ATG10: variants seen among roughly 807,000 people sequenced by gnomAD.
ATG10 encodes ubiquitin-like-conjugating enzyme ATG10.
ATG10 carries 30 observed loss-of-function variants against 32.1 expected under a neutral mutation model. The observed-to-expected ratio is 0.94, with a 90% CI of 0.70 to 1.27. The LOEUF (loss-of-function observed/expected upper bound fraction) is 1.27, where lower values mean the gene tolerates loss of function less well. Among genes scored for constraint, ATG10 ranks in the 50% most tolerant of loss-of-function variants. The pLI, the probability that ATG10 is intolerant of heterozygous loss-of-function variation, is 0.00. For missense variants in ATG10, 233 were observed against 262.3 expected (o/e 0.89, Z 0.77); for synonymous variants, 87 against 91.5 (o/e 0.95, Z 0.28).
chr5:82,031,829 G>A (rs936713384), intron 2 of ATG10, among the ~76,000 whole-genome samples: 5 of 152,244 alleles, frequency 3.3e-5, no homozygotes, highest in African/African-American at 9.6e-5. Flanking sequence ...CCAGCAGAAT[G>A]TAGTCAGTCA....
chr5:82,246,866 G>A (rs933315820), intron 5 of ATG10, among the ~76,000 whole-genome samples: 5 of 152,056 alleles, frequency 3.3e-5, no homozygotes, highest in Admixed American at 3.3e-4. Flanking sequence ...AATTCTCTCA[G>A]TCTGTTTCCC....
chr5:82,018,391 T>C (rs1762343900), intron 2 of ATG10, among the ~76,000 whole-genome samples: 1 of 152,184 alleles, frequency 6.6e-6, no homozygotes, highest in Non-Finnish European at 1.5e-5. Flanking sequence ...CAACTCTTAC[T>C]AGGATTACCT....
chr5:82,095,628 G>A (rs183943724), intron 3 of ATG10, among the ~76,000 whole-genome samples: 51 of 152,038 alleles, frequency 3.4e-4, no homozygotes, highest in African/African-American at 1.1e-3. Context: ...TTTTAACCGG[G>A]AGTGGTGTGT....
At chr5:82,011,514 A>G (rs1347696134) in intron 2 of ATG10, among the ~76,000 whole-genome samples, 3 of 152,200 alleles carry the variant, frequency 2.0e-5, no homozygotes, top group African/African-American at 7.2e-5. Flanking sequence ...ATTCTTCATT[A>G]TTCAGGATAT....
At chr5:82,044,530 TTGTGAGTGC>T (rs1361763463) in intron 2 of ATG10, among the ~76,000 whole-genome samples, 1 of 152,176 alleles carries the variant, frequency 6.6e-6, no homozygotes, top group Admixed American at 6.5e-5. Flanking sequence ...AAGCCAGACA[TTGTGAGTGC>T]TGGATTTTTT....
chr5:82,251,354 C>G (rs1747246323), intron 5 of ATG10, among the ~76,000 whole-genome samples: 1 of 152,216 alleles, frequency 6.6e-6, no homozygotes, highest in Admixed American at 6.5e-5. Flanking sequence ...AGAAACTAGG[C>G]ATCCCCTAGT....
rs537973751 is a variant in ATG10 at position 81,983,871 on chromosome 5, C to T, written c.-12-3688C>T. On this transcript the variant is annotated intron_variant, in intron 1 of 7. Coordinates refer to ENST00000282185, the MANE Select transcript of ATG10 (RefSeq NM_031482.5). ...GCTCCTCACATCCCAGACGGGGCAG[C>T]GGGGCAGAGGCGCTCCCCACATCTC... 4.0e-5 allele frequency among the ~76,000 whole-genome samples: 6 copies of T among 151,144 alleles called. No individual in the cohort carries two copies. The South Asian group carries it at 1.3e-3, about 32-fold the overall frequency.
chr5:82,058,572 T>C lies in ATG10; in HGVS notation c.186T>C (p.Ser62=), dbSNP rs1346039018. 6.2e-7 allele frequency: 1 copy of C among 1,612,426 alleles called. No individual in the cohort carries two copies. Among genetic ancestry groups the C allele is most frequent in the Non-Finnish European group, 8.5e-7 (1 of 1,178,742 alleles). Residue 62 remains serine, a synonymous_variant, in exon 3 of 8, where the codon TCT becomes TCC. Transcript: ENST00000282185. ...NGSVMSHLGA[S]THGQTCLPME... ...CTGTGATGTCACATCTAGGAGCATCTACCCATGGACAGACATGTCTTCCCA... is the reference window on the plus strand; with the variant it reads ...CTGTGATGTCACATCTAGGAGCATCCACCCATGGACAGACATGTCTTCCCA...
At chr5:82,100,108 A>C (rs1765216990) in intron 3 of ATG10, among the ~76,000 whole-genome samples, 1 of 136,778 alleles carries the variant, frequency 7.3e-6, no homozygotes. Context: ...TCTTGGGTTC[A>C]AGCAATTCTC....
chr5:81,996,301 G>C (rs1761662345), intron 2 of ATG10, among the ~76,000 whole-genome samples: 1 of 152,168 alleles, frequency 6.6e-6, no homozygotes, highest in Non-Finnish European at 1.5e-5. Context: ...GCAGTGGAGT[G>C]ATCATGGCTC....
intron 5 of ATG10, among the ~76,000 whole-genome samples, chr5:82,251,863 TA>T (rs1747267266): frequency 6.6e-6 from 1 of 152,176 alleles, no homozygotes; most frequent in Admixed American, 6.5e-5. Context: ...ATCCAATTAC[TA>T]CCTTATAAAA....
intron 3 of ATG10, among the ~76,000 whole-genome samples, chr5:82,105,839 T>G (rs1765431771): frequency 6.6e-6 from 1 of 152,168 alleles, no homozygotes; most frequent in Admixed American, 6.6e-5. Context: ...GGCTAAACCC[T>G]TGTTCTTGTT....
chr5:82,071,502 A>AAAAATGTTTT (rs1764131296), intron 3 of ATG10, among the ~76,000 whole-genome samples: 1 of 152,132 alleles, frequency 6.6e-6, no homozygotes, highest in Admixed American at 6.6e-5. Context: ...GCCAACTTCG[A>AAAAATGTTTT]AAAATGTTTC....
intron 5 of ATG10, among the ~76,000 whole-genome samples, chr5:82,190,604 C>T (rs1744617887): frequency 6.6e-6 from 1 of 151,486 alleles, no homozygotes; most frequent in Admixed American, 6.6e-5. Flanking sequence ...AACCCTGTCT[C>T]TACTAAAAAT....
At chr5:82,175,612 T>G (rs1743984074) in intron 4 of ATG10, among the ~76,000 whole-genome samples, 1 of 152,188 alleles carries the variant, frequency 6.6e-6, no homozygotes, top group Non-Finnish European at 1.5e-5. Flanking sequence ...TGGCTTTAAG[T>G]GACGAATGTT....
chr5:82,228,825 C>T (rs1352569933), intron 5 of ATG10, among the ~76,000 whole-genome samples: 1 of 152,106 alleles, frequency 6.6e-6, no homozygotes, highest in Non-Finnish European at 1.5e-5. Flanking sequence ...GAATAAAACA[C>T]TGATTTACAG....
chr5:82,066,437 G>A (rs1333188833), intron 3 of ATG10, among the ~76,000 whole-genome samples: 1 of 152,026 alleles, frequency 6.6e-6, no homozygotes, highest in Non-Finnish European at 1.5e-5. Context: ...TGCACCTTCA[G>A]ATTACATTTT....
chr5:82,079,329 A>G (rs1160400994), intron 3 of ATG10, among the ~76,000 whole-genome samples: 1 of 152,102 alleles, frequency 6.6e-6, no homozygotes, highest in Non-Finnish European at 1.5e-5. Flanking sequence ...CATGGATGGC[A>G]GCAGGCAAAG....
chr5:81,987,260 C>T (rs751449076), intron 1 of ATG10, among the ~76,000 whole-genome samples: 17 of 152,044 alleles, frequency 1.1e-4, no homozygotes, highest in Admixed American at 2.6e-4. Context: ...GTAGATGAGA[C>T]GACAGGTGCA....
Sources: allele counts gnomAD v4.1 joint callset (sites outside exome capture counted in the v4.1 genomes callset), GRCh38; gene constraint gnomAD v4.1.1; transcripts MANE v1.5; gene names NCBI Gene and HGNC (gene_info 2026-07-23, HGNC 2026-07-21).